The following ATP13A3 variants were observed in gnomAD, a reference collection of about 807,000 sequenced individuals.
ATP13A3 encodes polyamine-transporting ATPase 13A3.
In ATP13A3, 59 loss-of-function variants were observed where a neutral mutation model predicts 158.1. The observed-to-expected ratio is 0.37, with a 90% CI of 0.30 to 0.46. The LOEUF is 0.46. ATP13A3 is among the 20% of genes least tolerant of loss of function. The probability of loss-of-function intolerance (pLI) is 1.00; values close to 1 mark genes in which losing one functional copy is unlikely to be tolerated. For missense variants in ATP13A3, 1,166 were observed against 1,525.2 expected (o/e 0.76, Z 3.92); for synonymous variants, 491 against 504.3 (o/e 0.97, Z 0.35).
In ATP13A3 at chr3:194,453,744, T is replaced by C; in HGVS notation, c.800A>G (p.His267Arg). ...YVMLHDMVAT[H>R]STVRVSVCRV... is the part of the protein sequence containing the mutation. The stretch of plus-strand genomic sequence containing the variant: ...ACAAACTGAAACTCTTACGGTACTA[T>C]GAGTTGCCACCATGTCATGCAACAT... Residue 267 changes from histidine (H) to arginine (R), a missense_variant, in exon 10 of 34, where the codon CAT becomes CGT. By Grantham distance (29) the His-to-Arg change is conservative. This residue lies in a region of ATP13A3 where 997 missense variants were observed against 1,341.2 expected (regional missense o/e 0.74). Transcript: ENST00000645319. 2 of 1,613,848 alleles carry C rather than the reference T, an allele frequency of 1.2e-6. No homozygotes were observed. Among genetic ancestry groups the C allele is most frequent in the Non-Finnish European group, 1.7e-6 (2 of 1,179,760 alleles).
chr3:194,453,885 C>A, intron 9 of ATP13A3, 107 bp from the exon 10 acceptor site: 1 of 777,162 alleles, frequency 1.3e-6, no homozygotes. Flanking sequence ...CATATCACTC[C>A]ATCTTTATAA....
At chr3:194,471,192 A>T (rs1215692233) in intron 2 of ATP13A3, among the ~76,000 whole-genome samples, 1 of 152,118 alleles carries the variant, frequency 6.6e-6, no homozygotes, top group Non-Finnish European at 1.5e-5. Flanking sequence ...CCCAGGCAAG[A>T]GAAAGTTGTC....
rs1286954291 is a variant in ATP13A3 at position 194,459,036 on chromosome 3, GC to G, written c.479+434del. 1.9e-5 allele frequency: 3 copies of G among 157,112 alleles called. No homozygotes were observed. The East Asian group carries it at 5.6e-4, about 30-fold the overall frequency. 9.7% of individuals were successfully genotyped at this position (157,112 alleles called of 1,614,324 possible). A position where few individuals can be genotyped will look rare whatever the true frequency, so the allele number is the denominator to read the frequency against. On this transcript the variant is annotated intron_variant, in intron 6 of 33. Transcript: ENST00000645319. ...GATTAAAAATAAAGGAATTACTACA[GC>G]TTGCCCCATTCTTTATCTACATAGT...
chr3:194,408,036 T>A (rs1715073814), intron 33 of ATP13A3, among the ~76,000 whole-genome samples: 1 of 151,802 alleles, frequency 6.6e-6, no homozygotes, highest in African/African-American at 2.4e-5. Context: ...TTTTTTTTTT[T>A]TTGAGACGGA....
chr3:194,469,318 T>C (rs1720183738), intron 2 of ATP13A3, among the ~76,000 whole-genome samples: 1 of 151,520 alleles, frequency 6.6e-6, no homozygotes, highest in Admixed American at 6.6e-5. Context: ...ATTAGGCAGG[T>C]GTGGTGGTGC....
At chr3:194,436,275 G>T (rs1430953071) in intron 20 of ATP13A3, among the ~76,000 whole-genome samples, 2 of 152,134 alleles carry the variant, frequency 1.3e-5, no homozygotes, top group Admixed American at 1.3e-4. Context: ...TCCAAGGTAG[G>T]TCTGTATCAG....
At chr3:194,408,212 G>C (rs1043048896) in intron 33 of ATP13A3, among the ~76,000 whole-genome samples, 17 of 152,036 alleles carry the variant, frequency 1.1e-4, no homozygotes, top group African/African-American at 3.6e-4. Context: ...TAGAGACGGG[G>C]TTTCACCACG....
At position 194,421,335 on chromosome 3, in the gene ATP13A3, C is replaced by T. The variant is rs148206499; in HGVS notation, c.3314-1368G>A. 7.3e-3 allele frequency among the ~76,000 whole-genome samples: 1,071 copies of T among 146,774 alleles called. 17 individuals carry two copies. Among genetic ancestry groups the T allele is most frequent in the African/African-American group, 0.026 (1,027 of 39,514 alleles). Reference sequence around the variant, plus strand: ...TTGGGAGGCCGAGGCGGGCGGATCACGAGGTCAGGATAACGAGACCATCCT... The same window carrying T: ...TTGGGAGGCCGAGGCGGGCGGATCATGAGGTCAGGATAACGAGACCATCCT... On this transcript the variant is annotated intron_variant, in intron 30 of 33. Transcript: ENST00000645319.
intron 9 of ATP13A3, 48 bp downstream of exon 9, chr3:194,454,210 T>C (rs755065194): frequency 1.3e-5 from 19 of 1,519,144 alleles, no homozygotes; most frequent in Non-Finnish European, 1.7e-5. Flanking sequence ...TAGATGTTAC[T>C]ACAAAATACA....
Position 194,412,181 on chromosome 3 carries a change from G to C in ATP13A3, c.3573+18C>G. The C allele has an allele frequency of 6.5e-7, 1 of 1,530,250 alleles. No homozygotes were observed. Among genetic ancestry groups the C allele is most frequent in the Non-Finnish European group, 8.8e-7 (1 of 1,141,550 alleles). The allele number at this position is 1,530,250 out of a possible 1,614,324, so 94.8% of individuals were successfully genotyped here. A position where few individuals can be genotyped will look rare whatever the true frequency, so the allele number is the denominator to read the frequency against. ...CTAGAGAGGCAGCAAGAATTGACAGGAAGTGCTGAGTTCCAACCTGCGGTG... is the reference window on the plus strand; with the variant it reads ...CTAGAGAGGCAGCAAGAATTGACAGCAAGTGCTGAGTTCCAACCTGCGGTG... On this transcript the variant is annotated intron_variant, in intron 33 of 33. Transcript: ENST00000645319.
chr3:194,492,834 T>C (rs1203958565), intron 2 of ATP13A3, among the ~76,000 whole-genome samples: 1 of 152,196 alleles, frequency 6.6e-6, no homozygotes, highest in Non-Finnish European at 1.5e-5. Context: ...GTATAGTATT[T>C]TTATTGTGTT....
chr3:194,486,811 G>GAA lies in ATP13A3; in HGVS notation c.-335_-334insTT, dbSNP rs1384253480. On this transcript the variant is annotated 5_prime_UTR_variant, in exon 1 of 34. Coordinates refer to ENST00000645319, the MANE Select transcript of ATP13A3 (RefSeq NM_001367549.1). The stretch of plus-strand genomic sequence containing the variant: ...CCTCCTCCTCCGCGCCCGCGGCGGC[G>GAA]GCGTGCAGCCGGCAGGGCGAGAACA... The GAA allele has an allele frequency of 2.0e-5, 3 of 151,740 alleles. No homozygotes were observed. The highest frequency in any genetic ancestry group is 7.3e-5 in the African/African-American group (3 of 41,338). The allele number at this position is 151,740 out of a possible 1,614,324, so 9.4% of individuals were successfully genotyped here. A position where few individuals can be genotyped will look rare whatever the true frequency, so the allele number is the denominator to read the frequency against.
At chr3:194,424,811 T>C (rs975568172) in intron 30 of ATP13A3, among the ~76,000 whole-genome samples, 1 of 152,132 alleles carries the variant, frequency 6.6e-6, no homozygotes, top group African/African-American at 2.4e-5. Context: ...CTTTCTGCAA[T>C]AGCATGCAAA....
upstream of ATP13A3, among the ~76,000 whole-genome samples, chr3:194,487,259 A>G (rs3732468): frequency 0.15 from 23,409 of 152,028 alleles, 3,350 homozygotes; most frequent in African/African-American, 0.38. Flanking sequence ...GATGAAATGG[A>G]ACGGCAAATC....
intron 3 of ATP13A3, among the ~76,000 whole-genome samples, chr3:194,461,489 A>G (rs1049092649): frequency 6.6e-5 from 10 of 152,352 alleles, no homozygotes; most frequent in Non-Finnish European, 1.3e-4. Flanking sequence ...ATGATTTACT[A>G]ATTGTCCCAA....
At chr3:194,483,800 A>G (rs1720854425) in intron 2 of ATP13A3, among the ~76,000 whole-genome samples, 1 of 152,250 alleles carries the variant, frequency 6.6e-6, no homozygotes, top group Non-Finnish European at 1.5e-5. Context: ...CTCCAGGCAC[A>G]CTGCCTATCG....
At chr3:194,453,130 C>T (rs1230819378) in intron 10 of ATP13A3, 1 of 151,904 alleles carries the variant, frequency 6.6e-6, no homozygotes, top group African/African-American at 2.4e-5. Context: ...ATGGGCAACA[C>T]AGTGAGACCT....
At chr3:194,487,834 C>T (rs1721069853), upstream of ATP13A3, 1 of 152,358 alleles carries the variant, frequency 6.6e-6, no homozygotes, top group Non-Finnish European at 1.5e-5. Flanking sequence ...CGTGACTGTT[C>T]TTCTTGCCGC....
chr3:194,425,510 T>C lies in ATP13A3; in HGVS notation c.3145A>G (p.Ser1049Gly), dbSNP rs1716699777. Reference sequence around the variant, plus strand: ...ACGTGTGAAGAATTCCAAAACCCGCTTCCTGTTGTATTACAAGCACTAGAA... The same window carrying C: ...ACGTGTGAAGAATTCCAAAACCCGCCTCCTGTTGTATTACAAGCACTAGAA... ...PKSDACNTTG[S>G]GFWNSSHVDN... The change falls in exon 30 of 34, where the codon AGC (serine) becomes GGC (glycine). Residue 1049 changes from serine (S) to glycine (G), a missense_variant. By Grantham distance (56) the Ser-to-Gly change is moderately conservative (BLOSUM62 0). Coordinates refer to ENST00000645319, the MANE Select transcript of ATP13A3 (RefSeq NM_001367549.1). The C allele has an allele frequency of 6.2e-7, 1 of 1,612,176 alleles. No homozygotes were observed. The highest frequency in any genetic ancestry group is 2.2e-5 in the East Asian group (1 of 44,850).
Sources: gnomAD v4.1 joint callset for allele counts (sites outside exome capture counted in the v4.1 genomes callset) on GRCh38, gnomAD v4.1.1 for gene constraint, gnomAD v4.1.1 regional missense constraint, MANE v1.5 for transcripts, NCBI Gene and HGNC (gene_info 2026-07-23, HGNC 2026-07-21) for gene names.